Variants in PCLO observed in about 807,000 individuals in gnomAD.
PCLO encodes the protein protein piccolo.
Under a neutral mutation model 427.5 loss-of-function variants are expected in PCLO, and 82 were observed. The ratio of observed to expected loss-of-function variants is 0.19; its 90% CI spans 0.16 to 0.23. The LOEUF is 0.23. Ranked by LOEUF, PCLO falls within the 10% of genes least tolerant of loss-of-function variation. The probability of loss-of-function intolerance (pLI) is 1.00; values close to 1 mark genes in which losing one functional copy is unlikely to be tolerated. For missense variants in PCLO, 6,239 were observed against 6,115.9 expected (o/e 1.02, Z -0.67); for synonymous variants, 2,357 against 2,155.4 (o/e 1.09, Z -2.59).
chr7:82,931,982 T>C (rs924643226), intron 6 of PCLO, among the ~76,000 whole-genome samples: 15 of 152,264 alleles, frequency 9.9e-5, no homozygotes, highest in African/African-American at 3.6e-4. Flanking sequence ...AGAGTACTCC[T>C]TAAAATGATA....
chr7:82,982,164 T>C (rs1482631334), intron 3 of PCLO, among the ~76,000 whole-genome samples: 1 of 152,150 alleles, frequency 6.6e-6, no homozygotes, highest in Non-Finnish European at 1.5e-5. Context: ...TATTGCGTTA[T>C]GTTAATAGAG....
intron 22 of PCLO, among the ~76,000 whole-genome samples, chr7:82,764,675 G>T (rs1306895611): frequency 1.3e-5 from 2 of 151,696 alleles, no homozygotes; most frequent in Non-Finnish European, 2.9e-5. Flanking sequence ...CAGAATTCAG[G>T]CCAAAATGCA....
rs1360535090 is a variant in PCLO at position 82,757,408 on chromosome 7, T to G, written c.*1167A>C. The G allele has an allele frequency of 1.3e-5, 2 of 152,044 alleles. No individual in the cohort carries two copies. The highest frequency in any genetic ancestry group is 4.8e-5 in the African/African-American group (2 of 41,428). The allele number at this position is 152,044 out of a possible 1,614,324, so 9.4% of individuals were successfully genotyped here. A position where few individuals can be genotyped will look rare whatever the true frequency, so the allele number is the denominator to read the frequency against. ...TTGATGAACTTGATCACTGTGATAC[T>G]GTCACTAAAGTAAGAAAATAGAGCA... On this transcript the variant is annotated 3_prime_UTR_variant, in exon 25 of 25. Coordinates refer to ENST00000333891, the MANE Select transcript of PCLO (RefSeq NM_033026.6).
At chr7:82,799,521 T>C (rs1791297257) in intron 22 of PCLO, among the ~76,000 whole-genome samples, 4 of 152,156 alleles carry the variant, frequency 2.6e-5, no homozygotes, top group African/African-American at 7.2e-5. Flanking sequence ...GCTTGATGCA[T>C]CCATGTAAAA....
chr7:82,885,861 G>A (rs762090848), intron 9 of PCLO, among the ~76,000 whole-genome samples: 3 of 151,682 alleles, frequency 2.0e-5, no homozygotes, highest in African/African-American at 7.3e-5. Flanking sequence ...TCCAGGCAAC[G>A]CAGCTAATAT....
In PCLO at chr7:82,950,712, C is replaced by A. The variant is rs1236937369; in HGVS notation, c.9876G>T (p.Gln3292His). ...RQETLAQQQL[Q>H]LEQIQQLQQQ... is the part of the protein sequence containing the mutation. ...GTTGCAGCTGTTGGATCTGCTCAAG[C>A]TGTAACTGTTGCTGAGCTAACGTCT... Residue 3292 changes from glutamine to histidine, a missense_variant, in exon 6 of 25, where the codon CAG (glutamine) becomes CAT (histidine). This residue lies in a region of PCLO where 4,677 missense variants were observed against 4,468.4 expected (regional missense o/e 1.05). Transcript: ENST00000333891. The A allele has an allele frequency of 8.7e-6, 14 of 1,613,744 alleles. No individual in the cohort carries two copies. Among genetic ancestry groups the A allele is most frequent in the Non-Finnish European group, 1.2e-5 (14 of 1,179,860 alleles).
intron 13 of PCLO, 26 bp downstream of exon 13, chr7:82,845,245 T>G: frequency 6.5e-7 from 1 of 1,532,992 alleles, no homozygotes; most frequent in Non-Finnish European, 9.0e-7. Context: ...AACAAGTGGG[T>G]CAGAGGTCAC....
At chr7:83,036,070 C>G (rs962714701) in intron 3 of PCLO, among the ~76,000 whole-genome samples, 14 of 152,156 alleles carry the variant, frequency 9.2e-5, no homozygotes, top group African/African-American at 3.4e-4. Context: ...ATTTGGGACT[C>G]AGGTTCTGTC....
rs557690542 is a variant in PCLO, at chr7:83,028,932, C to G, written c.3301-62445G>C. On this transcript the variant is annotated intron_variant, in intron 3 of 24. Transcript: ENST00000333891. ...GTAGAAAGCTGAAACTGGATCCCTT[C>G]CTTACACCTTATACAAAAATCAATT... Among the ~76,000 whole-genome samples, 775 of 152,100 alleles carry G rather than the reference C, an allele frequency of 5.1e-3. 10 individuals carry two copies. Among genetic ancestry groups the G allele is most frequent in the African/African-American group, 0.017 (725 of 41,512 alleles).
intron 2 of PCLO, among the ~76,000 whole-genome samples, chr7:83,154,287 A>G (rs1213622938): frequency 1.3e-5 from 2 of 152,228 alleles, no homozygotes; most frequent in African/African-American, 4.8e-5. Flanking sequence ...GGGAAAAGGG[A>G]TGTGGAGATT....
chr7:82,895,140 C>T (rs1288625869), intron 9 of PCLO, among the ~76,000 whole-genome samples: 3 of 151,786 alleles, frequency 2.0e-5, no homozygotes, highest in African/African-American at 7.3e-5. Context: ...ATAGGTTTTC[C>T]AACTACAATG....
In PCLO at chr7:82,950,548, C is replaced by T; in HGVS notation, c.10040G>A (p.Ser3347Asn). 1 of 1,613,866 alleles carries T rather than the reference C, an allele frequency of 6.2e-7. No homozygotes were observed. Among genetic ancestry groups the T allele is most frequent in the Admixed American group, 1.7e-5 (1 of 60,012 alleles). Residue 3347 changes from serine to asparagine, a missense_variant, in exon 6 of 25, where the codon AGT becomes AAT. This residue lies in a region of PCLO where 4,677 missense variants were observed against 4,468.4 expected (regional missense o/e 1.05). Transcript: ENST00000333891. ...LEGQYAALEG[S>N]QFWATEDATT... ...TGCATCTTCAGTTGCCCAAAATTGA[C>T]TGCCTTCCAGAGCAGCATACTGACC...
intron 4 of PCLO, among the ~76,000 whole-genome samples, chr7:82,958,356 CCTT>C (rs748899996): frequency 2.0e-5 from 3 of 150,806 alleles, no homozygotes; most frequent in East Asian, 3.9e-4. Flanking sequence ...CTTCTTCCTT[CCTT>C]CCTTTCCTCC....
At chr7:82,846,861 T>C (rs1484061780) in intron 11 of PCLO, among the ~76,000 whole-genome samples, 1 of 152,172 alleles carries the variant, frequency 6.6e-6, no homozygotes, top group Non-Finnish European at 1.5e-5. Context: ...ATGAATTAAA[T>C]GTAAGTTCAT....
chr7:82,762,691 T>A (rs1722763170), intron 22 of PCLO, among the ~76,000 whole-genome samples: 1 of 152,128 alleles, frequency 6.6e-6, no homozygotes. Flanking sequence ...AACATAATCA[T>A]ATTTTCCAAA....
intron 10 of PCLO, among the ~76,000 whole-genome samples, chr7:82,851,065 T>C (rs1386095297): frequency 6.6e-6 from 1 of 152,122 alleles, no homozygotes; most frequent in Non-Finnish European, 1.5e-5. Flanking sequence ...TGACTATAAA[T>C]AGATAAAACA....
chr7:82,848,542 C>T (rs906482017), intron 10 of PCLO, among the ~76,000 whole-genome samples: 1 of 151,700 alleles, frequency 6.6e-6, no homozygotes, highest in Non-Finnish European at 1.5e-5. Flanking sequence ...AACTCCTAAC[C>T]TCAAATGATC....
intron 20 of PCLO, among the ~76,000 whole-genome samples, chr7:82,811,318 C>T (rs1481435471): frequency 1.3e-5 from 2 of 151,334 alleles, no homozygotes; most frequent in African/African-American, 2.4e-5. Context: ...CTTCAGGTAC[C>T]TTTCTCCTCT....
intron 10 of PCLO, among the ~76,000 whole-genome samples, chr7:82,850,183 A>C (rs1792613961): frequency 6.6e-6 from 1 of 151,848 alleles, no homozygotes; most frequent in Admixed American, 6.6e-5. Context: ...TAGTTTTTGC[A>C]TTTTTAGTAG....
Sources: allele counts gnomAD v4.1 joint callset (sites outside exome capture counted in the v4.1 genomes callset), GRCh38; gene constraint gnomAD v4.1.1; regional missense constraint gnomAD v4.1.1; transcripts MANE v1.5; gene names NCBI Gene and HGNC (gene_info 2026-07-23, HGNC 2026-07-21).